Variants in MAST4 observed in about 807,000 individuals in gnomAD.
MAST4 encodes the protein microtubule associated serine/threonine kinase family member 4, also known as microtubule-associated serine/threonine-protein kinase 4.
MAST4 carries 89 observed loss-of-function variants against 162.7 expected under a neutral mutation model. The ratio of observed to expected loss-of-function variants is 0.55; its 90% CI spans 0.46 to 0.65. MAST4 has a LOEUF of 0.65. MAST4 is among the 30% of genes least tolerant of loss of function. The probability of loss-of-function intolerance (pLI) is 0.00; values close to 1 mark genes in which losing one functional copy is unlikely to be tolerated. For missense variants in MAST4, 3,153 were observed against 3,374.0 expected, an observed-to-expected ratio of 0.93 and a Z score of 1.62; for synonymous variants, 1,479 against 1,361.1, an observed-to-expected ratio of 1.09 and a Z score of -1.91.
At chr5:66,881,724 T>C (rs538397218) in intron 3 of MAST4, among the ~76,000 whole-genome samples, 22 of 152,292 alleles carry the variant, frequency 1.4e-4, no homozygotes, top group Non-Finnish European at 1.9e-4. Flanking sequence ...GGTGAAAAGA[T>C]CACAGACAAG....
At chr5:66,656,298 C>T (rs1454148512) in intron 1 of MAST4, among the ~76,000 whole-genome samples, 1 of 152,214 alleles carries the variant, frequency 6.6e-6, no homozygotes, top group Non-Finnish European at 1.5e-5. Flanking sequence ...GTTGTCTCCA[C>T]ATTATCTTCC....
intron 4 of MAST4, chr5:67,005,043 T>C (rs1372136314): frequency 1.3e-6 from 1 of 774,714 alleles, no homozygotes; most frequent in Admixed American, 1.7e-5. Flanking sequence ...AACTTTACTT[T>C]GCCTCATTTG....
At chr5:67,144,482 ACACACT>A in intron 21 of MAST4, among the ~76,000 whole-genome samples, 181 bp from the exon 22 acceptor site, 1 of 150,284 alleles carries the variant, frequency 6.7e-6, no homozygotes, top group African/African-American at 2.4e-5. Context: ...ACACACACAC[ACACACT>A]CACTCACCCT....
At chr5:66,627,987 T>C (rs1312330097) in intron 1 of MAST4, among the ~76,000 whole-genome samples, 2 of 152,136 alleles carry the variant, frequency 1.3e-5, no homozygotes, top group East Asian at 3.8e-4. Flanking sequence ...CAAAAGTTTC[T>C]TTGATTTTTA....
rs569347583 is a variant in MAST4, at chr5:67,142,106, C to T, written c.2495-9C>T. The T allele has an allele frequency of 6.2e-7, 1 of 1,612,876 alleles. No homozygotes were observed. On this transcript the variant is annotated splice_polypyrimidine_tract_variant and intron_variant, in intron 19 of 28. Transcript: ENST00000403625. ...ACTTTCCTCTCTGTCTCTACCTGCC[C>T]CCTTCCAGGTGGTGCATATGAAGTC...
chr5:66,715,802 A>G (rs73112447), intron 1 of MAST4, among the ~76,000 whole-genome samples: 2,759 of 151,462 alleles, frequency 0.018, 81 homozygotes, highest in African/African-American at 0.062. Flanking sequence ...AAAAATACTC[A>G]TTTATGGATA....
At chr5:67,019,428 A>G (rs1002363931) in intron 4 of MAST4, among the ~76,000 whole-genome samples, 5 of 152,322 alleles carry the variant, frequency 3.3e-5, no homozygotes, top group African/African-American at 7.2e-5. Flanking sequence ...AAACACTCCA[A>G]TTACCATCTC....
chr5:66,725,045 TATTTC>T (rs1222320638), intron 1 of MAST4, among the ~76,000 whole-genome samples: 1 of 152,066 alleles, frequency 6.6e-6, no homozygotes, highest in African/African-American at 2.4e-5. Context: ...AATGAAATAT[TATTTC>T]ATTTTAAAGA....
chr5:66,659,023 A>G (rs116500229), intron 1 of MAST4, among the ~76,000 whole-genome samples: 2,433 of 152,296 alleles, frequency 0.016, 63 homozygotes, highest in African/African-American at 0.056. Context: ...CTCTGTTAAA[A>G]AAATAAATAA....
intron 1 of MAST4, among the ~76,000 whole-genome samples, chr5:66,701,391 G>A (rs947412635): frequency 6.6e-6 from 1 of 152,160 alleles, no homozygotes; most frequent in Non-Finnish European, 1.5e-5. Flanking sequence ...TTAGTAAGGT[G>A]CATCCCCGTG....
intron 4 of MAST4, among the ~76,000 whole-genome samples, chr5:66,912,225 A>G (rs1004694613): frequency 7.9e-5 from 12 of 152,164 alleles, no homozygotes; most frequent in African/African-American, 2.9e-4. Flanking sequence ...AAAGTGAGGG[A>G]GAGTTTTGCT....
At chr5:66,945,473 T>A (rs1283597895) in intron 4 of MAST4, among the ~76,000 whole-genome samples, 1 of 152,160 alleles carries the variant, frequency 6.6e-6, no homozygotes, top group Non-Finnish European at 1.5e-5. Flanking sequence ...TTCAGATTCA[T>A]CCAGAACGTC....
intron 7 of MAST4, among the ~76,000 whole-genome samples, chr5:67,097,960 T>G (rs1764638608): frequency 6.6e-6 from 1 of 152,144 alleles, no homozygotes; most frequent in Non-Finnish European, 1.5e-5. Context: ...AAAAACTGTG[T>G]AAAACTTCTT....
chr5:67,167,076 G>A lies in MAST4; in HGVS notation c.*25G>A. 1 of 1,537,718 alleles carries A rather than the reference G, an allele frequency of 6.5e-7. No homozygotes were observed. Among genetic ancestry groups the A allele is most frequent in the Non-Finnish European group, 8.8e-7 (1 of 1,142,178 alleles). ...ACGGGGAGGGCCCAGGGGCAGGACT[G>A]TGGAGACCCGTCCTGAACGGGCGAC... On this transcript the variant is annotated 3_prime_UTR_variant, in exon 29 of 29. Coordinates refer to ENST00000403625, the MANE Select transcript of MAST4 (RefSeq NM_001164664.2).
intron 3 of MAST4, among the ~76,000 whole-genome samples, chr5:66,821,623 A>G (rs1171869666): frequency 6.6e-6 from 1 of 152,224 alleles, no homozygotes; most frequent in Non-Finnish European, 1.5e-5. Flanking sequence ...ATATGGTAAT[A>G]AAGATTCATG....
At chr5:66,692,336 A>G (rs10072488) in intron 1 of MAST4, among the ~76,000 whole-genome samples, 30,828 of 151,364 alleles carry the variant, frequency 0.2, 3,618 homozygotes, top group Admixed American at 0.31. Context: ...CTCCCTATAT[A>G]AGCTCTTTTG....
At chr5:66,919,717 C>T (rs1233450413) in intron 4 of MAST4, among the ~76,000 whole-genome samples, 3 of 150,534 alleles carry the variant, frequency 2.0e-5, no homozygotes, top group Admixed American at 2.0e-4. Flanking sequence ...CTCTAGTACT[C>T]ATATAAAAAA....
Position 66,899,833 on chromosome 5 carries a change from T to G in MAST4, c.643-118T>G, listed in dbSNP as rs1462662017. On this transcript the variant is annotated intron_variant, in intron 3 of 28. Transcript: ENST00000403625. ...TTATGACATTAAAATGTTTTCAGTA[T>G]AAGAAATGCCAAATCAAGCGTAATG... 32 of 775,066 alleles carry G rather than the reference T, an allele frequency of 4.1e-5. No individual in the cohort carries two copies. The Admixed American group carries it at 1.1e-3, about 27-fold the overall frequency. The allele number at this position is 775,066 out of a possible 1,614,324, so 48.0% of individuals were successfully genotyped here. A position where few individuals can be genotyped will look rare whatever the true frequency, so the allele number is the denominator to read the frequency against.
At chr5:67,027,072 T>C (rs1561548159) in intron 4 of MAST4, among the ~76,000 whole-genome samples, 1 of 152,174 alleles carries the variant, frequency 6.6e-6, no homozygotes, top group Non-Finnish European at 1.5e-5. Context: ...ATATAATTAT[T>C]GTAAAATATC....
Sources: allele counts gnomAD v4.1 joint callset (sites outside exome capture counted in the v4.1 genomes callset), GRCh38; gene constraint gnomAD v4.1.1; transcripts MANE v1.5; gene names NCBI Gene and HGNC (gene_info 2026-07-23, HGNC 2026-07-21).